Variants in USP25 observed in about 807,000 individuals in gnomAD.
USP25 encodes ubiquitin carboxyl-terminal hydrolase 25.
In USP25, 85 loss-of-function variants were observed where a neutral mutation model predicts 158.5. That is an observed-to-expected ratio of 0.54 (90% confidence interval 0.45 to 0.64). USP25 has a LOEUF of 0.64. Among genes scored for constraint, USP25 ranks in the 30% least tolerant of loss-of-function variants. The pLI is 0.00. For missense variants in USP25, 1,242 were observed against 1,327.3 expected (o/e 0.94, Z 1.00); for synonymous variants, 464 against 460.4 (o/e 1.01, Z -0.10).
At chr21:15,821,367 G>T (rs995527332) in intron 10 of USP25, among the ~76,000 whole-genome samples, 6 of 151,906 alleles carry the variant, frequency 3.9e-5, no homozygotes, top group Non-Finnish European at 8.8e-5. Context: ...ACTCGAAAAA[G>T]AACTATTCTG....
chr21:15,761,664 C>T (rs1053332934), intron 1 of USP25, among the ~76,000 whole-genome samples: 1 of 152,204 alleles, frequency 6.6e-6, no homozygotes, highest in Admixed American at 6.5e-5. Context: ...CAGGCCACTG[C>T]ACCTGTGGAC....
intron 1 of USP25, among the ~76,000 whole-genome samples, chr21:15,759,528 G>A (rs1242771875): frequency 6.6e-6 from 1 of 152,162 alleles, no homozygotes; most frequent in African/African-American, 2.4e-5. Flanking sequence ...GTCACAGGGT[G>A]GCTTCCAGGT....
rs534121023 is a variant in USP25 at position 15,757,835 on chromosome 21, A to C, written c.46-5056A>C. Among the ~76,000 whole-genome samples, 94 of 152,366 alleles carry C rather than the reference A, an allele frequency of 6.2e-4. 2 individuals carry two copies. The highest frequency in any genetic ancestry group is 1.5e-3 in the South Asian group (7 of 4,826). On this transcript the variant is annotated intron_variant, in intron 1 of 25. Transcript: ENST00000400183. ...GGAAGTAAAAGTGGCAAAGAGTATG[A>C]ATACAGGGATGGGAGAATTGGGAGG...
chr21:15,853,567 T>A (rs923976058), intron 20 of USP25, among the ~76,000 whole-genome samples: 3 of 152,110 alleles, frequency 2.0e-5, no homozygotes, highest in Non-Finnish European at 2.9e-5. Flanking sequence ...AAAGATCTAC[T>A]CTTACCCAAA....
In USP25 at chr21:15,878,510, C is replaced by G; in HGVS notation, c.*35C>G. ...TTTCCCTGAACACACTGTATAAACT[C>G]TTTTTAGTTCTTAACCCTTGCCTTC... On this transcript the variant is annotated 3_prime_UTR_variant, in exon 26 of 26. Coordinates refer to ENST00000400183, the MANE Select transcript of USP25 (RefSeq NM_001283041.3). The G allele has an allele frequency of 6.3e-7, 1 of 1,582,838 alleles. No homozygotes were observed. Among genetic ancestry groups the G allele is most frequent in the Non-Finnish European group, 8.6e-7 (1 of 1,162,010 alleles).
intron 17 of USP25, among the ~76,000 whole-genome samples, chr21:15,836,433 G>T (rs1366419392): frequency 6.6e-6 from 1 of 152,206 alleles, no homozygotes; most frequent in East Asian, 1.9e-4. Context: ...TGCTTCCCTA[G>T]ATCTGCTTAC....
At chr21:15,755,577 CTGTG>C (rs1476581310) in intron 1 of USP25, among the ~76,000 whole-genome samples, 1 of 152,090 alleles carries the variant, frequency 6.6e-6, no homozygotes, top group African/African-American at 2.4e-5. Flanking sequence ...GTCTTGAAGT[CTGTG>C]TTAGCTATGA....
At chr21:15,791,119 T>C (rs1468233031) in intron 4 of USP25, among the ~76,000 whole-genome samples, 1 of 151,892 alleles carries the variant, frequency 6.6e-6, no homozygotes. Context: ...GTTTTCTTGA[T>C]TCAGAGTAAT....
At chr21:15,857,667 T>C (rs900687543) in intron 20 of USP25, among the ~76,000 whole-genome samples, 1 of 152,088 alleles carries the variant, frequency 6.6e-6, no homozygotes, top group Admixed American at 6.5e-5. Flanking sequence ...TATTTTGTGG[T>C]TTATAATTTG....
At chr21:15,874,247 GGC>G in intron 23 of USP25, among the ~76,000 whole-genome samples, 154 bp from the exon 24 acceptor site, 1 of 152,120 alleles carries the variant, frequency 6.6e-6, no homozygotes, top group Middle Eastern at 3.4e-3. Flanking sequence ...TTGCTAAAAA[GGC>G]GCTCTCAAGC....
intron 20 of USP25, among the ~76,000 whole-genome samples, chr21:15,860,051 C>T (rs1478009140): frequency 2.7e-5 from 4 of 148,068 alleles, no homozygotes; most frequent in Non-Finnish European, 5.9e-5. Flanking sequence ...TGCAATGGCA[C>T]AGTATCGGCT....
In USP25 at chr21:15,783,723, C is replaced by G. The variant is rs138527869; in HGVS notation, c.392+5696C>G. Among the ~76,000 whole-genome samples the G allele has an allele frequency of 2.5e-3, 378 of 151,284 alleles. 1 individual carries two copies. The highest frequency in any genetic ancestry group is 3.9e-3 in the Non-Finnish European group (262 of 67,850). On this transcript the variant is annotated intron_variant, in intron 4 of 25. Coordinates refer to ENST00000400183, the MANE Select transcript of USP25 (RefSeq NM_001283041.3). ...CTGTAATCTCAGCACTTTGGGAGGC[C>G]AAAGCAGGCAGATCACGAGGTCAGG...
intron 2 of USP25, among the ~76,000 whole-genome samples, chr21:15,763,334 G>C (rs2033847496): frequency 6.6e-6 from 1 of 152,040 alleles, no homozygotes; most frequent in Non-Finnish European, 1.5e-5. Context: ...TGTAAGAGAA[G>C]GGAAAAGTAG....
At chr21:15,866,936 A>G (rs539585745) in intron 22 of USP25, among the ~76,000 whole-genome samples, 4 of 152,172 alleles carry the variant, frequency 2.6e-5, no homozygotes, top group South Asian at 2.1e-4. Flanking sequence ...ACACTGTGCA[A>G]CTGTACCCTG....
At chr21:15,785,850 A>G (rs2123565054) in intron 4 of USP25, among the ~76,000 whole-genome samples, 1 of 152,286 alleles carries the variant, frequency 6.6e-6, no homozygotes, top group South Asian at 2.1e-4. Context: ...GAGCAATTCA[A>G]AAGATCAGTG....
Position 15,753,371 on chromosome 21 carries a change from A to G in USP25, c.46-9520A>G, listed in dbSNP as rs576809980. On this transcript the variant is annotated intron_variant, in intron 1 of 25. Transcript: ENST00000400183. The stretch of plus-strand genomic sequence containing the variant: ...AGGGTTTGGGAAAAAACAGGTGGCA[A>G]GGTAGGAGGTTGTAAACAGGCCAGT... 6.1e-4 allele frequency among the ~76,000 whole-genome samples: 93 copies of G among 152,328 alleles called. 1 individual carries two copies. Among genetic ancestry groups the G allele is most frequent in the African/African-American group, 2.1e-3 (88 of 41,588 alleles).
At chr21:15,833,851 C>T (rs1006470691) in intron 17 of USP25, among the ~76,000 whole-genome samples, 1 of 152,144 alleles carries the variant, frequency 6.6e-6, no homozygotes, top group Non-Finnish European at 1.5e-5. Flanking sequence ...GCTGTGAAAT[C>T]AGCAAGAAAC....
chr21:15,873,516 T>G (rs1176086635), intron 23 of USP25, among the ~76,000 whole-genome samples: 2 of 152,064 alleles, frequency 1.3e-5, no homozygotes, highest in Non-Finnish European at 2.9e-5. Context: ...TTCTTTTTTT[T>G]TTGAGACGGA....
At chr21:15,873,754 A>G (rs1375953284) in intron 23 of USP25, among the ~76,000 whole-genome samples, 1 of 152,002 alleles carries the variant, frequency 6.6e-6, no homozygotes, top group African/African-American at 2.4e-5. Context: ...CAGCCTCCCA[A>G]AGTGCTGGGA....
Sources: gnomAD v4.1 joint callset for allele counts (sites outside exome capture counted in the v4.1 genomes callset) on GRCh38, gnomAD v4.1.1 for gene constraint, MANE v1.5 for transcripts, NCBI Gene and HGNC (gene_info 2026-07-23, HGNC 2026-07-21) for gene names.